Variants in ATXN3 observed in about 807,000 individuals in gnomAD.
ATXN3 encodes the protein ataxin 3.
In ATXN3, 28 loss-of-function variants were observed where a neutral mutation model predicts 58.2. The observed-to-expected ratio is 0.48, with a 90% CI of 0.36 to 0.66. The LOEUF is 0.66. Ranked by LOEUF, ATXN3 falls within the 30% of genes least tolerant of loss-of-function variation. The pLI, the probability that ATXN3 is intolerant of heterozygous loss-of-function variation, is 0.00. For synonymous variants in ATXN3, 113 were observed against 138.5 expected (o/e 0.82, Z 1.29); for missense variants, 321 against 422.1 (o/e 0.76, Z 2.10).
intron 10 of ATXN3, among the ~76,000 whole-genome samples, chr14:92,066,328 G>A (rs1449429850): frequency 6.6e-6 from 1 of 152,042 alleles, no homozygotes; most frequent in East Asian, 1.9e-4. Flanking sequence ...AACCAAATCA[G>A]TGCTATAATT....
chr14:92,096,964 G>A (rs1240628556), intron 1 of ATXN3, 126 bp from the exon 2 acceptor site: 14 of 801,794 alleles, frequency 1.7e-5, no homozygotes, highest in Admixed American at 2.4e-5. Flanking sequence ...CCGGAGTGCA[G>A]TGGCGCTATC....
At chr14:92,053,606 C>G (rs1353927026), downstream of ATXN3, among the ~76,000 whole-genome samples, 2 of 151,562 alleles carry the variant, frequency 1.3e-5, no homozygotes, top group Non-Finnish European at 2.9e-5. Flanking sequence ...AAGGTATCCT[C>G]TCACCTCAGC....
At chr14:92,103,275 T>C (rs1167691955) in intron 1 of ATXN3, among the ~76,000 whole-genome samples, 1 of 150,998 alleles carries the variant, frequency 6.6e-6, no homozygotes, top group Non-Finnish European at 1.5e-5. Context: ...CACTTTACAT[T>C]TTTACATGGT....
upstream of ATXN3, among the ~76,000 whole-genome samples, chr14:92,053,529 C>A (rs376848141): frequency 3.4e-5 from 5 of 148,578 alleles, no homozygotes; most frequent in East Asian, 1.0e-3. Flanking sequence ...TGGGGTCTCA[C>A]TCTGTTGCCC....
intron 1 of ATXN3, among the ~76,000 whole-genome samples, chr14:92,048,884 C>T (rs1330920238): frequency 6.6e-6 from 1 of 152,072 alleles, no homozygotes; most frequent in Non-Finnish European, 1.5e-5. Context: ...ACTGAAGGAA[C>T]AGACAGGAGA....
rs35515547 is a variant in ATXN3, at chr14:92,079,185, C to CAAAAAAA, written c.872+1773_872+1779dup. ...TGGGCAACAGAGCAAGACTCCATCT[C>CAAAAAAA]AAAAAAAAAAAAAAAAAAAAGCAAG... On this transcript the variant is annotated intron_variant, in intron 9 of 10. Coordinates refer to ENST00000644486, the MANE Select transcript of ATXN3 (RefSeq NM_004993.6). 6.5e-5 allele frequency among the ~76,000 whole-genome samples: 5 copies of CAAAAAAA among 77,038 alleles called. 1 individual carries two copies. Among genetic ancestry groups the CAAAAAAA allele is most frequent in the Non-Finnish European group, 1.0e-4 (4 of 38,790 alleles). 50.5% of individuals were successfully genotyped at this position (77,038 alleles called of 152,430 possible). A position where few individuals can be genotyped will look rare whatever the true frequency, so the allele number is the denominator to read the frequency against.
At chr14:92,070,801 T>C in intron 10 of ATXN3, 134 bp downstream of exon 10, 1 of 1,528,576 alleles carries the variant, frequency 6.5e-7, no homozygotes, top group Non-Finnish European at 8.8e-7. Flanking sequence ...ATTTAGTAGA[T>C]TACAAATTTA....
chr14:92,091,382 C>T (rs917857469), intron 5 of ATXN3, among the ~76,000 whole-genome samples: 1 of 151,528 alleles, frequency 6.6e-6, no homozygotes, highest in African/African-American at 2.4e-5. Context: ...ACCCAGGTGG[C>T]GGAGGTTGCA....
intron 9 of ATXN3, chr14:92,080,547 T>A (rs1186907323): frequency 5.5e-6 from 1 of 181,884 alleles, no homozygotes; most frequent in African/African-American, 2.4e-5. Flanking sequence ...ATACATATAT[T>A]TTTGGAGACG....
At chr14:92,054,459 G>A (rs1467862281), downstream of ATXN3, among the ~76,000 whole-genome samples, 3 of 152,116 alleles carry the variant, frequency 2.0e-5, no homozygotes, top group East Asian at 1.9e-4. Context: ...TTGGTGCTAC[G>A]CCCCCACCAG....
At chr14:92,100,189 T>C (rs1053968999) in intron 1 of ATXN3, among the ~76,000 whole-genome samples, 5 of 152,152 alleles carry the variant, frequency 3.3e-5, no homozygotes, top group Non-Finnish European at 7.4e-5. Context: ...GTATAACCAA[T>C]AATAACTAAT....
rs574368048 is a variant in ATXN3, at chr14:92,066,309, T to C, written c.992-1895A>G. On this transcript the variant is annotated intron_variant, in intron 10 of 10. Coordinates refer to ENST00000644486, the MANE Select transcript of ATXN3 (RefSeq NM_004993.6). ...TAATGCCTTAAATATTTCCAATATA[T>C]ATACTGAAAACCAAATCAGTGCTAT... Among the ~76,000 whole-genome samples, 40 of 152,306 alleles carry C rather than the reference T, an allele frequency of 2.6e-4. 2 individuals are homozygous for C. The highest frequency in any genetic ancestry group is 2.3e-3 in the Admixed American group (35 of 15,282).
At chr14:92,100,386 T>C (rs1252144550) in intron 1 of ATXN3, among the ~76,000 whole-genome samples, 1 of 152,022 alleles carries the variant, frequency 6.6e-6, no homozygotes, top group Non-Finnish European at 1.5e-5. Context: ...TAATACAAAA[T>C]AGCATTACAG....
rs1467061183 is a variant in ATXN3, at chr14:92,062,172, G to C, written c.*2148C>G. On this transcript the variant is annotated 3_prime_UTR_variant, in exon 11 of 11. Coordinates refer to ENST00000644486, the MANE Select transcript of ATXN3 (RefSeq NM_004993.6). ...CTCTGGAGGCTGAGGCAGGAGAATTGCTTGAACCCGGGAGGTGGAAGTTGT... is the reference window on the plus strand; with the variant it reads ...CTCTGGAGGCTGAGGCAGGAGAATTCCTTGAACCCGGGAGGTGGAAGTTGT... 1.3e-5 allele frequency: 2 copies of C among 152,172 alleles called. No individual in the cohort carries two copies. Among genetic ancestry groups the C allele is most frequent in the African/African-American group, 4.8e-5 (2 of 41,422 alleles). The allele number at this position is 152,172 out of a possible 1,614,324, so 9.4% of individuals were successfully genotyped here.
intron 2 of ATXN3, among the ~76,000 whole-genome samples, chr14:92,046,084 C>T (rs2057426333): frequency 2.0e-5 from 3 of 152,142 alleles, no homozygotes; most frequent in African/African-American, 7.2e-5. Flanking sequence ...TCTTTCTGCC[C>T]ATATAACAGC....
Position 92,088,871 on chromosome 14 carries a change from G to A in ATXN3, c.388-54C>T, listed in dbSNP as rs56139005. 6.0e-5 allele frequency: 60 copies of A among 999,038 alleles called. No individual in the cohort carries two copies. The East Asian group carries it at 1.1e-3, about 18-fold the overall frequency. 61.9% of individuals were successfully genotyped at this position (999,038 alleles called of 1,614,324 possible). A position where few individuals can be genotyped will look rare whatever the true frequency, so the allele number is the denominator to read the frequency against. On this transcript the variant is annotated intron_variant, in intron 5 of 10. Transcript: ENST00000644486. ...AGTGTATATTATAGGTAATAAGGAAGTTTCACATGTTAAGAATAGATACAA... is the reference window on the plus strand; with the variant it reads ...AGTGTATATTATAGGTAATAAGGAAATTTCACATGTTAAGAATAGATACAA...
chr14:92,095,594 G>T (rs1193726897), intron 3 of ATXN3, among the ~76,000 whole-genome samples: 1 of 151,812 alleles, frequency 6.6e-6, no homozygotes, highest in Middle Eastern at 3.2e-3. Context: ...TTCTCAAGAA[G>T]GAATTTTTAA....
chr14:92,070,423 C>T (rs7153374), intron 10 of ATXN3, among the ~76,000 whole-genome samples: 43,779 of 151,882 alleles, frequency 0.29, 6,730 homozygotes, highest in East Asian at 0.45. Context: ...ACTAAAAATA[C>T]AAAAAATTAG....
At chr14:92,070,744 CTT>C (rs774529009) in intron 10 of ATXN3, 189 bp downstream of exon 10, 5,367 of 990,202 alleles carry the variant, frequency 5.4e-3, no homozygotes, top group Middle Eastern at 7.9e-3. Context: ...CCACATCTAG[CTT>C]TTTTTTTTTT....
Sources: gnomAD v4.1 joint callset for allele counts (sites outside exome capture counted in the v4.1 genomes callset) on GRCh38, gnomAD v4.1.1 for gene constraint, MANE v1.5 for transcripts, NCBI Gene and HGNC (gene_info 2026-07-23, HGNC 2026-07-21) for gene names.